NOD2: variants seen among roughly 807,000 people sequenced by gnomAD.
NOD2 encodes nucleotide-binding oligomerization domain-containing protein 2.
In NOD2, 86 loss-of-function variants were observed where a neutral mutation model predicts 90.9. The observed-to-expected ratio is 0.95, with a 90% CI of 0.79 to 1.13. The LOEUF (loss-of-function observed/expected upper bound fraction) is 1.13, where lower values mean the gene tolerates loss of function less well. Among genes scored for constraint, NOD2 ranks in the 50% most tolerant of loss-of-function variants. The probability of loss-of-function intolerance (pLI) is 0.00; values close to 1 mark genes in which losing one functional copy is unlikely to be tolerated. For missense variants in NOD2, 1,238 were observed against 1,283.8 expected (o/e 0.96, Z 0.55); for synonymous variants, 581 against 554.6 (o/e 1.05, Z -0.67).
At chr16:50,719,569 C>A (rs765834925) in intron 6 of NOD2, among the ~76,000 whole-genome samples, 7 of 152,192 alleles carry the variant, frequency 4.6e-5, no homozygotes, top group African/African-American at 7.2e-5. Flanking sequence ...GCAGAGGGCA[C>A]GATGGGGTCT....
At chr16:50,712,880 G>A in intron 4 of NOD2, 1 of 180,286 alleles carries the variant, frequency 5.5e-6, no homozygotes, top group South Asian at 1.1e-4. Context: ...GGTGACTTGT[G>A]CCCCATCAGA....
intron 8 of NOD2, 142 bp from the exon 9 acceptor site, chr16:50,723,155 GAAAA>G (rs1387902569): frequency 3.2e-6 from 1 of 311,110 alleles, no homozygotes; most frequent in Non-Finnish European, 5.9e-6. Context: ...AAAAAAAAAA[GAAAA>G]AAGAAAGAGC....
chr16:50,723,269 C>G (rs747544753), intron 8 of NOD2, 32 bp from the exon 9 acceptor site: 13 of 1,604,786 alleles, frequency 8.1e-6, no homozygotes, highest in Non-Finnish European at 1.1e-5. Flanking sequence ...TTTCCCTGCT[C>G]TGACATACTT....
intron 1 of NOD2, chr16:50,697,389 C>T (rs1361220430): frequency 7.2e-7 from 1 of 1,382,650 alleles, no homozygotes; most frequent in Non-Finnish European, 1.0e-6. Flanking sequence ...CGACATGCTC[C>T]CAGGCCTGGG....
chr16:50,728,445 C>A, intron 10 of NOD2: 1 of 243,384 alleles, frequency 4.1e-6, no homozygotes, highest in Non-Finnish European at 8.3e-6. Flanking sequence ...ACATCATTTT[C>A]ATAGTCTAAA....
chr16:50,725,435 C>A, intron 9 of NOD2, 54 bp from the exon 10 acceptor site: 1 of 1,396,576 alleles, frequency 7.2e-7, no homozygotes, highest in Non-Finnish European at 1.0e-6. Flanking sequence ...GTGAGTTCAT[C>A]ATCTTCCATA....
chr16:50,724,481 G>C (rs1163986973), intron 9 of NOD2, among the ~76,000 whole-genome samples: 1 of 152,230 alleles, frequency 6.6e-6, no homozygotes, highest in African/African-American at 2.4e-5. Flanking sequence ...CAGCAAGGTA[G>C]GCAAGCAGTA....
At chr16:50,704,040 C>T (rs1596839734) in intron 2 of NOD2, among the ~76,000 whole-genome samples, 1 of 152,208 alleles carries the variant, frequency 6.6e-6, no homozygotes, top group Admixed American at 6.5e-5. Context: ...AAATGAATGT[C>T]CTCAGCTGAC....
Position 50,719,609 on chromosome 16 carries a change from A to G in NOD2, c.2550-316A>G, listed in dbSNP as rs199475921. 39 of 473,118 alleles carry G rather than the reference A, an allele frequency of 8.2e-5. No homozygotes were observed. Among genetic ancestry groups the G allele is most frequent in the Non-Finnish European group, 1.5e-4 (38 of 247,038 alleles). The allele number at this position is 473,118 out of a possible 1,614,324, so 29.3% of individuals were successfully genotyped here. ...CGAGGGCGGCTGAGACCAGAGGGAA[A>G]GGTGTGACCCTGAGTCACCCTCGCT... On this transcript the variant is annotated intron_variant, in intron 6 of 11. Coordinates refer to ENST00000647318, the MANE Select transcript of NOD2 (RefSeq NM_001370466.1).
rs1965479463 is a variant in NOD2, at chr16:50,732,152, T to A, written c.*333T>A. On this transcript the variant is annotated 3_prime_UTR_variant, in exon 12 of 12. Coordinates refer to ENST00000647318, the MANE Select transcript of NOD2 (RefSeq NM_001370466.1). Reference sequence around the variant, plus strand: ...CTTCCGTGTGGGTCAGTGGGGCCCATGGATGTGCTTGTTAACTGAGTGCCT... The same window carrying A: ...CTTCCGTGTGGGTCAGTGGGGCCCAAGGATGTGCTTGTTAACTGAGTGCCT... The A allele has an allele frequency of 2.4e-6, 1 of 411,310 alleles. No homozygotes were observed. Among genetic ancestry groups the A allele is most frequent in the Non-Finnish European group, 4.6e-6 (1 of 216,934 alleles). 25.5% of individuals were successfully genotyped at this position (411,310 alleles called of 1,614,324 possible). A position where few individuals can be genotyped will look rare whatever the true frequency, so the allele number is the denominator to read the frequency against.
chr16:50,709,805 C>T (rs963834722), intron 3 of NOD2: 3 of 382,534 alleles, frequency 7.8e-6, no homozygotes, highest in African/African-American at 4.2e-5. Context: ...ATTGTTGTGC[C>T]TACTATATCC....
In NOD2 at chr16:50,711,387, G is replaced by A. The variant is rs781421828; in HGVS notation, c.1395G>A (p.Val465=). Residue 465 remains valine (V), a synonymous_variant, in exon 4 of 12, where the codon GTG becomes GTA. Transcript: ENST00000647318. ...LCHLPVFSWM[V]SKCHQELLLQ... Reference sequence around the variant, plus strand: ...ACCTGCCTGTCTTCTCATGGATGGTGTCCAAATGCCACCAGGAACTGTTGC... The same window carrying A: ...ACCTGCCTGTCTTCTCATGGATGGTATCCAAATGCCACCAGGAACTGTTGC... The A allele has an allele frequency of 2.6e-5, 42 of 1,613,618 alleles. No homozygotes were observed. The highest frequency in any genetic ancestry group is 3.0e-5 in the Non-Finnish European group (35 of 1,180,054).
At chr16:50,723,211 A>T in intron 8 of NOD2, 90 bp from the exon 9 acceptor site, 1 of 965,104 alleles carries the variant, frequency 1.0e-6, no homozygotes. Context: ...GCAGACCAGG[A>T]GAGCACCACG....
chr16:50,708,567 C>T (rs545272231), intron 3 of NOD2, among the ~76,000 whole-genome samples: 59 of 152,260 alleles, frequency 3.9e-4, no homozygotes, highest in African/African-American at 8.9e-4. Context: ...GGTTAAGTGA[C>T]GAGGGAGGGG....
At chr16:50,714,478 C>T (rs1052807836) in intron 4 of NOD2, among the ~76,000 whole-genome samples, 3 of 152,116 alleles carry the variant, frequency 2.0e-5, no homozygotes, top group Non-Finnish European at 4.4e-5. Context: ...TCTGCAGCAA[C>T]CAGCTTGGTT....
intron 10 of NOD2, 105 bp downstream of exon 10, chr16:50,725,677 G>T: frequency 2.3e-6 from 2 of 874,394 alleles, no homozygotes; most frequent in Non-Finnish European, 3.9e-6. Context: ...CTCATGTGAG[G>T]TGGCCTGGTA....
chr16:50,723,352 G>A lies in NOD2; in HGVS notation c.2769G>A (p.Met923Ile). 1 of 1,613,986 alleles carries A rather than the reference G, an allele frequency of 6.2e-7. No individual in the cohort carries two copies. Among genetic ancestry groups the A allele is most frequent in the Non-Finnish European group, 8.5e-7 (1 of 1,179,936 alleles). The change falls in exon 9 of 12, where the codon ATG becomes ATA. Residue 923 changes from methionine to isoleucine, a missense_variant. This residue lies in a region of NOD2 where 667 missense variants were observed against 688.7 expected (regional missense o/e 0.97). Coordinates refer to ENST00000647318, the MANE Select transcript of NOD2 (RefSeq NM_001370466.1). Reference sequence around the variant, plus strand: ...TGGGTGCCCAAGCCTTGGCACTGATGCTGGCAAAGAACGTCATGCTAGAAG... The same window carrying A: ...TGGGTGCCCAAGCCTTGGCACTGATACTGGCAAAGAACGTCATGCTAGAAG... ...GSVGAQALAL[M>I]LAKNVMLEEL... is the part of the protein sequence containing the mutation.
intron 1 of NOD2, chr16:50,697,289 G>A (rs1264322073): frequency 2.6e-6 from 4 of 1,560,214 alleles, no homozygotes; most frequent in East Asian, 2.4e-5. Context: ...GGAGGAAAGA[G>A]CAAGTGTCCT....
chr16:50,696,673 C>T (rs1240468240), intron 1 of NOD2, among the ~76,000 whole-genome samples: 1 of 152,166 alleles, frequency 6.6e-6, no homozygotes, highest in Non-Finnish European at 1.5e-5. Context: ...GGTTCTCCTC[C>T]CCAGATGTTT....
Sources: gnomAD v4.1 joint callset for allele counts (sites outside exome capture counted in the v4.1 genomes callset) on GRCh38, gnomAD v4.1.1 for gene constraint, gnomAD v4.1.1 regional missense constraint, MANE v1.5 for transcripts, NCBI Gene and HGNC (gene_info 2026-07-23, HGNC 2026-07-21) for gene names.